The following PTPRT variants were observed in gnomAD, a reference collection of about 807,000 sequenced individuals.
PTPRT encodes receptor-type tyrosine-protein phosphatase T.
Under a neutral mutation model 176.8 loss-of-function variants are expected in PTPRT, and 56 were observed. The observed-to-expected ratio is 0.32, with a 90% CI of 0.26 to 0.40. The LOEUF (loss-of-function observed/expected upper bound fraction) is 0.40. Ranked by LOEUF, PTPRT falls within the 10% of genes least tolerant of loss-of-function variation. The pLI, the probability that PTPRT is intolerant of heterozygous loss-of-function variation, is 1.00. For synonymous variants in PTPRT, 783 were observed against 739.0 expected (o/e 1.06, Z -0.96); for missense variants, 1,540 against 1,908.2 (o/e 0.81, Z 3.60).
At chr20:42,330,296 C>G (rs2057949315) in intron 11 of PTPRT, among the ~76,000 whole-genome samples, 1 of 151,938 alleles carries the variant, frequency 6.6e-6, no homozygotes, top group Admixed American at 6.6e-5. Context: ...CATCGTGAAA[C>G]TCCATCTCCA....
At chr20:42,521,201 A>C (rs2145497163) in intron 7 of PTPRT, among the ~76,000 whole-genome samples, 1 of 152,192 alleles carries the variant, frequency 6.6e-6, no homozygotes, top group East Asian at 1.9e-4. Flanking sequence ...TGCTTTACCA[A>C]GATTTTGGCC....
rs57365825 is a variant in PTPRT, at chr20:42,270,280, G to C, written c.2176+12209C>G. Reference sequence around the variant, plus strand: ...GGTTGATGGGTGAATGGGTGGGGGGGTGGGTGGGTGGGTGGGGTGGAAAGA... The same window carrying C: ...GGTTGATGGGTGAATGGGTGGGGGGCTGGGTGGGTGGGTGGGGTGGAAAGA... On this transcript the variant is annotated intron_variant, in intron 13 of 30. Transcript: ENST00000373187. The C allele has an allele frequency of 3.8e-6, 3 of 788,912 alleles. No homozygotes were observed. The Admixed American group carries it at 6.6e-5, about 17-fold the overall frequency. The allele number at this position is 788,912 out of a possible 1,614,324, so 48.9% of individuals were successfully genotyped here. A position where few individuals can be genotyped will look rare whatever the true frequency, so the allele number is the denominator to read the frequency against.
At chr20:42,567,641 C>T (rs1406723043) in intron 7 of PTPRT, among the ~76,000 whole-genome samples, 1 of 152,164 alleles carries the variant, frequency 6.6e-6, no homozygotes. Context: ...AAATATTTGT[C>T]CAATGAGTTA....
the PTPRT span, among the ~76,000 whole-genome samples, chr20:42,064,926 C>T: frequency 6.6e-6 from 1 of 152,204 alleles, no homozygotes; most frequent in South Asian, 2.1e-4. Context: ...ACCAGGATCT[C>T]TTGGGACACT....
chr20:42,648,822 T>TTTTTTGTTTTG (rs2074969813), intron 7 of PTPRT, among the ~76,000 whole-genome samples: 1 of 42,334 alleles, frequency 2.4e-5, no homozygotes, highest in African/African-American at 8.0e-5. Context: ...GTGTCGTTGT[T>TTTTTTGTTTTG]TTTTTTTTTT....
At chr20:42,382,761 G>A (rs886180437) in intron 9 of PTPRT, among the ~76,000 whole-genome samples, 6 of 152,112 alleles carry the variant, frequency 3.9e-5, no homozygotes, top group Non-Finnish European at 5.9e-5. Flanking sequence ...CCTATAGGAC[G>A]GTAACCACTT....
intron 27 of PTPRT, among the ~76,000 whole-genome samples, chr20:42,091,807 G>A (rs184411797): frequency 6.4e-4 from 97 of 152,190 alleles, no homozygotes; most frequent in Admixed American, 3.2e-3. Context: ...GAGAGAGAGG[G>A]GGGAGAGAGA....
chr20:42,518,505 TTTTCTTGAAAG>T (rs1476498739), intron 7 of PTPRT, among the ~76,000 whole-genome samples: 5 of 152,136 alleles, frequency 3.3e-5, no homozygotes, highest in Non-Finnish European at 7.4e-5. Flanking sequence ...AGTATTTTAT[TTTTCTTGAAAG>T]TTATCCATTT....
At chr20:42,725,700 C>T (rs1481966279) in intron 6 of PTPRT, among the ~76,000 whole-genome samples, 3 of 152,032 alleles carry the variant, frequency 2.0e-5, no homozygotes, top group African/African-American at 7.2e-5. Flanking sequence ...GAAATAGAAA[C>T]ACTTTTACAC....
intron 16 of PTPRT, among the ~76,000 whole-genome samples, chr20:42,192,661 T>C (rs1282908791): frequency 6.6e-6 from 1 of 152,230 alleles, no homozygotes; most frequent in Non-Finnish European, 1.5e-5. Context: ...CCTGTGGCTC[T>C]TCGTGTAGGC....
intron 7 of PTPRT, among the ~76,000 whole-genome samples, chr20:42,551,639 T>C (rs2072772685): frequency 1.3e-5 from 2 of 152,182 alleles, no homozygotes; most frequent in Admixed American, 1.3e-4. Context: ...AATCTCTAAG[T>C]TCAAATTATG....
At chr20:43,081,239 T>C (rs1437263828) in intron 1 of PTPRT, among the ~76,000 whole-genome samples, 3 of 152,218 alleles carry the variant, frequency 2.0e-5, no homozygotes, top group Non-Finnish European at 2.9e-5. Context: ...TAAAACTGCA[T>C]GGCCCTAATG....
intron 2 of PTPRT, among the ~76,000 whole-genome samples, chr20:42,859,793 T>C (rs1285164057): frequency 6.6e-6 from 1 of 151,298 alleles, no homozygotes; most frequent in Non-Finnish European, 1.5e-5. Context: ...GGGGTTTCAC[T>C]GTGTTAGCCA....
chr20:42,439,763 T>C (rs1485476472), intron 9 of PTPRT, among the ~76,000 whole-genome samples: 1 of 152,200 alleles, frequency 6.6e-6, no homozygotes. Flanking sequence ...AAATACAGCA[T>C]ATGGATAGCG....
At chr20:42,086,029 C>A (rs929964165) in intron 27 of PTPRT, among the ~76,000 whole-genome samples, 176 bp from the exon 28 acceptor site, 1 of 151,712 alleles carries the variant, frequency 6.6e-6, no homozygotes, top group African/African-American at 2.4e-5. Flanking sequence ...CTCACTGCAA[C>A]CTCTGCCTCC....
intron 11 of PTPRT, among the ~76,000 whole-genome samples, chr20:42,345,618 G>A (rs3061918): frequency 0.015 from 1,538 of 105,662 alleles, 31 homozygotes; most frequent in African/African-American, 0.049. Context: ...GTGTGTGTGT[G>A]TATATATATG....
chr20:42,980,111 C>A (rs1008843086), intron 1 of PTPRT, among the ~76,000 whole-genome samples: 5 of 152,076 alleles, frequency 3.3e-5, no homozygotes, highest in Non-Finnish European at 7.4e-5. Flanking sequence ...ATGGTAACAT[C>A]ATTATTCAAG....
At chr20:42,826,434 A>C (rs1414837337) in intron 2 of PTPRT, among the ~76,000 whole-genome samples, 1 of 152,220 alleles carries the variant, frequency 6.6e-6, no homozygotes, top group Non-Finnish European at 1.5e-5. Flanking sequence ...TTTTAGTGCC[A>C]ATCTCTTAAA....
At chr20:43,031,452 T>C (rs1986134660) in intron 1 of PTPRT, among the ~76,000 whole-genome samples, 1 of 152,204 alleles carries the variant, frequency 6.6e-6, no homozygotes. Flanking sequence ...TGATCTTGGA[T>C]TTCCCAGCCT....
Sources: allele counts gnomAD v4.1 joint callset (sites outside exome capture counted in the v4.1 genomes callset), GRCh38; gene constraint gnomAD v4.1.1; transcripts MANE v1.5; gene names NCBI Gene and HGNC (gene_info 2026-07-23, HGNC 2026-07-21).